The following KCNH5 variants were observed in gnomAD, a reference collection of about 807,000 sequenced individuals.
KCNH5 encodes voltage-gated delayed rectifier potassium channel KCNH5.
In KCNH5, 46 loss-of-function variants were observed where a neutral mutation model predicts 96.1. The ratio of observed to expected loss-of-function variants is 0.48; its 90% confidence interval spans 0.38 to 0.61. KCNH5 has a LOEUF of 0.61. Ranked by LOEUF, KCNH5 falls within the 20% of genes least tolerant of loss-of-function variation. The probability of loss-of-function intolerance (pLI) is 0.00; values close to 1 mark genes in which losing one functional copy is unlikely to be tolerated. For missense variants in KCNH5, 907 were observed against 1,225.8 expected (o/e 0.74, Z 3.88); for synonymous variants, 439 against 449.8 (o/e 0.98, Z 0.30).
chr14:62,766,173 T>C (rs1337336550), intron 10 of KCNH5, among the ~76,000 whole-genome samples: 1 of 152,084 alleles, frequency 6.6e-6, no homozygotes, highest in Non-Finnish European at 1.5e-5. Context: ...AGACAAGCAA[T>C]AGCAAATGCT....
intron 2 of KCNH5, among the ~76,000 whole-genome samples, chr14:63,008,464 T>G (rs76903019): frequency 6.6e-6 from 1 of 151,808 alleles, no homozygotes; most frequent in South Asian, 2.1e-4. Context: ...AACCAGAAAT[T>G]ACAGGGTAAC....
At chr14:62,921,502 T>C (rs1889380742) in intron 7 of KCNH5, among the ~76,000 whole-genome samples, 1 of 152,064 alleles carries the variant, frequency 6.6e-6, no homozygotes, top group South Asian at 2.1e-4. Context: ...TTGAATGTGA[T>C]GGAGAAGGAT....
chr14:62,890,539 CAAA>C (rs147455504), intron 7 of KCNH5, among the ~76,000 whole-genome samples: 1 of 147,650 alleles, frequency 6.8e-6, no homozygotes, highest in South Asian at 2.2e-4. Flanking sequence ...ACTAAAAATA[CAAA>C]AAAAAAATTA....
intron 7 of KCNH5, among the ~76,000 whole-genome samples, chr14:62,925,969 C>T (rs1181666075): frequency 1.3e-5 from 2 of 152,064 alleles, no homozygotes; most frequent in Non-Finnish European, 2.9e-5. Flanking sequence ...ACAAGGTATT[C>T]TTCTCACCAT....
intron 6 of KCNH5, 119 bp downstream of exon 6, chr14:62,980,744 GCAAGGGTTT>G (rs1162819120): frequency 4.3e-6 from 4 of 925,226 alleles, no homozygotes; most frequent in Non-Finnish European, 6.3e-6. Context: ...ATAACTTTTG[GCAAGGGTTT>G]CAAGAAAGTT....
chr14:62,876,613 A>C (rs537695961), intron 7 of KCNH5, among the ~76,000 whole-genome samples: 20 of 152,364 alleles, frequency 1.3e-4, no homozygotes, highest in Non-Finnish European at 2.5e-4. Flanking sequence ...AGTAGCAGAA[A>C]AATGTAAGGA....
Position 62,708,140 on chromosome 14 carries a change from G to T in KCNH5, c.2335C>A (p.Arg779Ser), listed in dbSNP as rs200292403. 1.9e-6 allele frequency: 3 copies of T among 1,614,188 alleles called. No individual in the cohort carries two copies. Among genetic ancestry groups the T allele is most frequent in the Non-Finnish European group, 2.5e-6 (3 of 1,180,044 alleles). ...TTGGGCTTGAGTTCCATGGCATCAC[G>T]GTTGTTCTGCTTAAGGGATTCACTG... ...KTSESLKQNN[R>S]DAMELKPNGG... Residue 779 changes from arginine to serine, a missense_variant, in exon 11 of 11, where the codon CGT (arginine) becomes AGT (serine). By Grantham distance (110) the Arg-to-Ser change is moderately radical (BLOSUM62 -1). Coordinates refer to ENST00000322893, the MANE Select transcript of KCNH5 (RefSeq NM_139318.5).
At chr14:63,040,230 G>T (rs1393477379) in intron 1 of KCNH5, among the ~76,000 whole-genome samples, 1 of 152,110 alleles carries the variant, frequency 6.6e-6, no homozygotes, top group Non-Finnish European at 1.5e-5. Flanking sequence ...TAGTAAGTCA[G>T]TTACAAGGTG....
At chr14:63,015,954 T>G (rs1159429864) in intron 2 of KCNH5, among the ~76,000 whole-genome samples, 1 of 151,492 alleles carries the variant, frequency 6.6e-6, no homozygotes, top group African/African-American at 2.4e-5. Flanking sequence ...TATATAATGC[T>G]TCTCAGCATC....
intron 7 of KCNH5, among the ~76,000 whole-genome samples, chr14:62,858,864 T>C (rs1409815823): frequency 6.6e-6 from 1 of 152,180 alleles, no homozygotes; most frequent in Non-Finnish European, 1.5e-5. Flanking sequence ...CTAATTGGCA[T>C]TGTAATTCTG....
intron 8 of KCNH5, among the ~76,000 whole-genome samples, chr14:62,833,090 G>T (rs1344037730): frequency 2.0e-5 from 3 of 151,506 alleles, no homozygotes; most frequent in African/African-American, 7.3e-5. Flanking sequence ...TCTGTTAATT[G>T]TTTCGTTGGT....
chr14:62,720,567 A>C (rs1203923281), intron 10 of KCNH5, among the ~76,000 whole-genome samples: 1 of 152,168 alleles, frequency 6.6e-6, no homozygotes, highest in East Asian at 1.9e-4. Context: ...TGGGTGACAC[A>C]GCGAGACTCT....
At chr14:63,003,624 A>ATAAATATATATATATT (rs1491457497) in intron 3 of KCNH5, among the ~76,000 whole-genome samples, 1 of 92,854 alleles carries the variant, frequency 1.1e-5, no homozygotes, top group African/African-American at 4.7e-5. Context: ...ATATATATAT[A>ATAAATATATATATATT]TTTTTTTTTT....
At chr14:62,946,043 G>C (rs1469654850) in intron 7 of KCNH5, among the ~76,000 whole-genome samples, 2 of 152,040 alleles carry the variant, frequency 1.3e-5, no homozygotes, top group African/African-American at 4.8e-5. Context: ...CTTTGGGATA[G>C]AGATTGTAGG....
intron 10 of KCNH5, among the ~76,000 whole-genome samples, chr14:62,759,609 C>A (rs983732993): frequency 3.6e-5 from 4 of 109,820 alleles, no homozygotes; most frequent in Non-Finnish European, 8.7e-5. Flanking sequence ...GTCTTTTCTG[C>A]TGACAAACTT....
intron 4 of KCNH5, among the ~76,000 whole-genome samples, chr14:62,996,777 G>A (rs898680049): frequency 3.9e-5 from 6 of 152,156 alleles, no homozygotes; most frequent in South Asian, 4.1e-4. Flanking sequence ...AAACTGCTGC[G>A]AAAGTACTGT....
At chr14:62,719,018 G>A (rs982670906) in intron 10 of KCNH5, among the ~76,000 whole-genome samples, 1 of 152,172 alleles carries the variant, frequency 6.6e-6, no homozygotes, top group African/African-American at 2.4e-5. Flanking sequence ...CTTAGAATCA[G>A]AGAGTATATA....
intron 1 of KCNH5, among the ~76,000 whole-genome samples, chr14:63,029,143 G>A (rs749211784): frequency 3.3e-5 from 5 of 152,076 alleles, no homozygotes; most frequent in African/African-American, 9.7e-5. Context: ...ATTTCTGAAC[G>A]TTTTATAAAA....
At chr14:62,910,785 T>G (rs1246672256) in intron 7 of KCNH5, among the ~76,000 whole-genome samples, 14 of 152,068 alleles carry the variant, frequency 9.2e-5, no homozygotes, top group African/African-American at 3.4e-4. Context: ...CGGTGTTCCC[T>G]CTGGAAAGCA....
Sources: gnomAD v4.1 joint callset for allele counts (sites outside exome capture counted in the v4.1 genomes callset) on GRCh38, gnomAD v4.1.1 for gene constraint, MANE v1.5 for transcripts, NCBI Gene and HGNC (gene_info 2026-07-23, HGNC 2026-07-21) for gene names.